The following KCNN2 variants were observed in gnomAD, a reference collection of about 807,000 sequenced individuals.
KCNN2 encodes the protein potassium calcium-activated channel subfamily N member 2.
In KCNN2, 24 loss-of-function variants were observed where a neutral mutation model predicts 55.5. The observed-to-expected ratio is 0.43, with a 90% CI of 0.31 to 0.61. KCNN2 has a LOEUF of 0.61. Among genes scored for constraint, KCNN2 ranks in the 20% least tolerant of loss-of-function variants. The pLI, the probability that KCNN2 is intolerant of heterozygous loss-of-function variation, is 0.08. For synonymous variants in KCNN2, 431 were observed against 336.1 expected, an observed-to-expected ratio of 1.28 and a Z score of -3.09; for missense variants, 754 against 853.6, an observed-to-expected ratio of 0.88 and a Z score of 1.45.
intron 2 of KCNN2, among the ~76,000 whole-genome samples, chr5:114,291,101 TATA>T (rs1361696335): frequency 1.3e-5 from 2 of 152,112 alleles, no homozygotes; most frequent in Non-Finnish European, 2.9e-5. Flanking sequence ...TAAAGGAAGC[TATA>T]ATAATAGAAT....
At chr5:114,143,388 G>A (rs1231679411) in intron 1 of KCNN2, among the ~76,000 whole-genome samples, 1 of 152,212 alleles carries the variant, frequency 6.6e-6, no homozygotes, top group African/African-American at 2.4e-5. Flanking sequence ...GCAAAAGCTG[G>A]TTACAAACAA....
rs531826015 is a variant in KCNN2 at position 114,493,365 on chromosome 5, A to T, written c.2019-38A>T. The T allele has an allele frequency of 1.2e-5, 16 of 1,290,998 alleles. No homozygotes were observed. The South Asian group carries it at 1.8e-4, about 14-fold the overall frequency. 80.0% of individuals were successfully genotyped at this position (1,290,998 alleles called of 1,614,324 possible). ...TGGAAGGCATAAGATTGCCATAGGA[A>T]GAAGGGAACCTTTCTGATACCAGAT... On this transcript the variant is annotated intron_variant, in intron 6 of 7. Transcript: ENST00000673685.
Position 114,422,258 on chromosome 5 carries a change from G to A in KCNN2, c.1637+17402G>A, listed in dbSNP as rs75676045. On this transcript the variant is annotated intron_variant, in intron 3 of 7. Coordinates refer to ENST00000673685, the MANE Select transcript of KCNN2 (RefSeq NM_021614.4). Reference sequence around the variant, plus strand: ...CATGTTGAAACCTAATTTCCAGTGTGATAATATTTAAAACTGGGGTCTTTC... The same window carrying A: ...CATGTTGAAACCTAATTTCCAGTGTAATAATATTTAAAACTGGGGTCTTTC... 1.1e-3 allele frequency among the ~76,000 whole-genome samples: 172 copies of A among 152,250 alleles called. 6 individuals are homozygous for A. In the East Asian group the frequency reaches 0.027, roughly 24 times the overall value.
intron 2 of KCNN2, among the ~76,000 whole-genome samples, chr5:114,289,764 C>T (rs1001783536): frequency 2.6e-5 from 4 of 152,062 alleles, no homozygotes; most frequent in African/African-American, 9.7e-5. Flanking sequence ...GCTAGTATTG[C>T]CATCTTAACA....
rs376835290 is a variant in KCNN2, at chr5:114,475,347, C to G, written c.1890+2183C>G. Among the ~76,000 whole-genome samples the G allele has an allele frequency of 7.8e-4, 118 of 152,010 alleles. 3 individuals carry two copies. The South Asian group carries it at 0.024, about 31-fold the overall frequency. On this transcript the variant is annotated intron_variant, in intron 5 of 7. Transcript: ENST00000673685. ...TTTCTCACCATACTTGACTTCTACACACTAGATGCCAGTAGCACTACCCCC... is the reference window on the plus strand; with the variant it reads ...TTTCTCACCATACTTGACTTCTACAGACTAGATGCCAGTAGCACTACCCCC...
At chr5:114,151,504 A>G (rs17136310) in intron 1 of KCNN2, among the ~76,000 whole-genome samples, 4,683 of 151,876 alleles carry the variant, frequency 0.031, 253 homozygotes, top group African/African-American at 0.11. Context: ...TTCCATGGCA[A>G]TTTCAGTTGC....
intron 1 of KCNN2, among the ~76,000 whole-genome samples, chr5:114,090,498 C>A (rs1751115507): frequency 1.3e-5 from 2 of 151,644 alleles, no homozygotes; most frequent in Middle Eastern, 3.4e-3. Context: ...AATTCATAAC[C>A]ATTACTATCT....
chr5:114,255,256 G>A (rs768403693), intron 2 of KCNN2, among the ~76,000 whole-genome samples: 9 of 152,154 alleles, frequency 5.9e-5, no homozygotes, highest in Admixed American at 1.3e-4. Context: ...GCATTGTAGT[G>A]TTGTAGTAGA....
At chr5:114,056,629 T>C in intron 1 of KCNN2, 1 of 390,004 alleles carries the variant, frequency 2.6e-6, no homozygotes. Context: ...CTTACTTTTC[T>C]CCAGCACCCA....
At chr5:114,138,209 T>C (rs1429313140) in intron 1 of KCNN2, among the ~76,000 whole-genome samples, 2 of 152,176 alleles carry the variant, frequency 1.3e-5, no homozygotes, top group African/African-American at 4.8e-5. Flanking sequence ...TCTGAAGGAA[T>C]CTTCTTAATG....
At chr5:114,431,699 C>T (rs1395290825) in intron 3 of KCNN2, among the ~76,000 whole-genome samples, 1 of 152,048 alleles carries the variant, frequency 6.6e-6, no homozygotes, top group Non-Finnish European at 1.5e-5. Flanking sequence ...TCCTTCTTTT[C>T]TAATATATGT....
At chr5:114,227,569 T>C (rs1754261747) in intron 2 of KCNN2, among the ~76,000 whole-genome samples, 1 of 152,206 alleles carries the variant, frequency 6.6e-6, no homozygotes, top group Non-Finnish European at 1.5e-5. Context: ...TTTTCTGTCC[T>C]CCAGAGCACC....
chr5:114,310,887 G>A (rs753541467), intron 2 of KCNN2, among the ~76,000 whole-genome samples: 4 of 152,084 alleles, frequency 2.6e-5, no homozygotes, highest in Non-Finnish European at 5.9e-5. Flanking sequence ...CTCTGGGAGC[G>A]AGTGTGTACC....
intron 1 of KCNN2, among the ~76,000 whole-genome samples, chr5:114,167,309 T>A (rs935788092): frequency 2.0e-5 from 3 of 152,174 alleles, no homozygotes; most frequent in African/African-American, 7.2e-5. Context: ...TATTTTATGC[T>A]ACCAAGTTTG....
chr5:114,401,322 A>G (rs887809750), intron 2 of KCNN2, among the ~76,000 whole-genome samples: 4 of 152,210 alleles, frequency 2.6e-5, no homozygotes, highest in African/African-American at 9.6e-5. Context: ...TGGAACTGCA[A>G]AATTATGCTG....
intron 2 of KCNN2, among the ~76,000 whole-genome samples, chr5:114,279,762 G>A (rs199655696): frequency 0.9 from 135,193 of 150,776 alleles, 61,022 homozygotes; most frequent in East Asian, 0.94. Flanking sequence ...ATAAACATAT[G>A]TGTGCGTGTG....
Position 114,285,242 on chromosome 5 carries a change from C to G in KCNN2, c.-185+63677C>G, listed in dbSNP as rs969608392. Among the ~76,000 whole-genome samples the G allele has an allele frequency of 9.1e-5, 13 of 142,850 alleles. No homozygotes were observed. In the East Asian group the frequency reaches 2.8e-3, roughly 31 times the overall value. 93.7% of individuals were successfully genotyped at this position (142,850 alleles called of 152,430 possible). On this transcript the variant is annotated intron_variant, in intron 2 of 10. Transcript: ENST00000512097. ...GAGCTTGCAGTGAGCTGAGATCATG[C>G]CACTGCACTCCAGCCTGGTGACACA...
At chr5:114,332,968 T>A (rs982938287) in intron 2 of KCNN2, among the ~76,000 whole-genome samples, 4 of 152,306 alleles carry the variant, frequency 2.6e-5, no homozygotes, top group South Asian at 4.1e-4. Flanking sequence ...CATTTCTTCC[T>A]GCCTGGATTT....
intron 2 of KCNN2, among the ~76,000 whole-genome samples, chr5:114,271,878 A>C (rs564953408): frequency 6.6e-6 from 1 of 152,140 alleles, no homozygotes; most frequent in Non-Finnish European, 1.5e-5. Context: ...TTTATCACCT[A>C]TAAAATATGG....
Sources: allele counts gnomAD v4.1 joint callset (sites outside exome capture counted in the v4.1 genomes callset), GRCh38; gene constraint gnomAD v4.1.1; transcripts MANE v1.5; gene names NCBI Gene and HGNC (gene_info 2026-07-23, HGNC 2026-07-21).